ANKFN1: variants seen among roughly 807,000 people sequenced by gnomAD.
ANKFN1 encodes ankyrin repeat and fibronectin type III domain containing 1, also known as ankyrin repeat and fibronectin type-III domain-containing protein 1.
In ANKFN1, 74 loss-of-function variants were observed where a neutral mutation model predicts 108.7. The ratio of observed to expected loss-of-function variants is 0.68; its 90% CI spans 0.56 to 0.83. The LOEUF is 0.83. Among genes scored for constraint, ANKFN1 ranks in the 40% least tolerant of loss-of-function variants. The probability of loss-of-function intolerance (pLI) is 0.00; values close to 1 mark genes in which losing one functional copy is unlikely to be tolerated. For synonymous variants in ANKFN1, 547 were observed against 516.2 expected, an observed-to-expected ratio of 1.06 and a Z score of -0.81; for missense variants, 1,505 against 1,382.3, an observed-to-expected ratio of 1.09 and a Z score of -1.41.
chr17:56,508,311 T>C (rs1163695951), intron 20 of ANKFN1, among the ~76,000 whole-genome samples: 5 of 152,234 alleles, frequency 3.3e-5, no homozygotes, highest in African/African-American at 1.2e-4. Flanking sequence ...AAACTCCTTA[T>C]CTAAGCATTC....
chr17:56,170,774 T>TTA (rs60304505), intron 1 of ANKFN1, among the ~76,000 whole-genome samples: 3,348 of 67,934 alleles, frequency 0.049, 122 homozygotes, highest in Non-Finnish European at 0.058. Context: ...AAAAAATTTT[T>TTA]TATATATATA....
intron 3 of ANKFN1, among the ~76,000 whole-genome samples, chr17:56,269,991 A>G (rs1299532528): frequency 6.6e-6 from 1 of 152,254 alleles, no homozygotes; most frequent in African/African-American, 2.4e-5. Flanking sequence ...GCTCTGTTTA[A>G]GAAGAGCTAT....
intron 4 of ANKFN1, among the ~76,000 whole-genome samples, chr17:56,069,478 CTA>C: frequency 6.6e-6 from 1 of 152,186 alleles, no homozygotes; most frequent in Non-Finnish European, 1.5e-5. Context: ...GACATTCCTC[CTA>C]AGCAAACCAC....
Position 56,200,181 on chromosome 17 carries a change from C to G in ANKFN1, c.-70-12417C>G, listed in dbSNP as rs765117533. 9.2e-5 allele frequency among the ~76,000 whole-genome samples: 14 copies of G among 152,144 alleles called. No individual in the cohort carries two copies. The South Asian group carries it at 1.2e-3, about 14-fold the overall frequency. ...GAACAAACAGGTGTGAATGAGTTTACTAACTGCCAAAGAATCCAAGAAAAA... is the reference window on the plus strand; with the variant it reads ...GAACAAACAGGTGTGAATGAGTTTAGTAACTGCCAAAGAATCCAAGAAAAA... On this transcript the variant is annotated intron_variant, in intron 1 of 20. Transcript: ENST00000682825.
At chr17:56,155,307 A>G (rs1253383408) in intron 1 of ANKFN1, among the ~76,000 whole-genome samples, 2 of 152,118 alleles carry the variant, frequency 1.3e-5, no homozygotes, top group Non-Finnish European at 2.9e-5. Flanking sequence ...CAGTACTGTC[A>G]TTTGTTCTGA....
intron 18 of ANKFN1, among the ~76,000 whole-genome samples, chr17:56,484,880 A>G (rs565949944): frequency 5.3e-5 from 8 of 152,174 alleles, no homozygotes; most frequent in Non-Finnish European, 8.8e-5. Flanking sequence ...GGTGGGGACA[A>G]TCTACAACTT....
chr17:56,049,765 C>T (rs1315133012), intron 4 of ANKFN1, among the ~76,000 whole-genome samples: 1 of 147,168 alleles, frequency 6.8e-6, no homozygotes, highest in Non-Finnish European at 1.5e-5. Context: ...TGTATATGTG[C>T]CACATTTTCT....
chr17:56,080,629 T>C (rs932741577), intron 4 of ANKFN1, among the ~76,000 whole-genome samples: 1 of 152,222 alleles, frequency 6.6e-6, no homozygotes, highest in Non-Finnish European at 1.5e-5. Context: ...CTATTGTTTC[T>C]ACACCATCCC....
In ANKFN1 at chr17:56,274,275, C is replaced by G. The variant is rs183221078; in HGVS notation, c.53+46318C>G. On this transcript the variant is annotated intron_variant, in intron 3 of 20. Coordinates refer to ENST00000682825, the MANE Select transcript of ANKFN1 (RefSeq NM_001370326.1). ...GATCACGAGGTCAGGAAATCGAGAC[C>G]ATCCTGGCTAACATGGTGAAACCCC... is the stretch of plus-strand genomic sequence containing the variant. Among the ~76,000 whole-genome samples, 249 of 152,178 alleles carry G rather than the reference C, an allele frequency of 1.6e-3. 3 individuals carry two copies. The highest frequency in any genetic ancestry group is 2.2e-3 in the Non-Finnish European group (147 of 68,000).
intron 3 of ANKFN1, among the ~76,000 whole-genome samples, chr17:56,236,338 T>C (rs1917148788): frequency 6.6e-6 from 1 of 152,092 alleles, no homozygotes; most frequent in Non-Finnish European, 1.5e-5. Flanking sequence ...ATTACAGGAG[T>C]GAGCCACCGC....
At chr17:56,430,986 G>T (rs1359371828) in intron 8 of ANKFN1, among the ~76,000 whole-genome samples, 1 of 152,134 alleles carries the variant, frequency 6.6e-6, no homozygotes, top group Non-Finnish European at 1.5e-5. Context: ...GTCGGAGGTC[G>T]GAAGAAAGAG....
chr17:56,076,904 A>G (rs1180049981), intron 4 of ANKFN1, among the ~76,000 whole-genome samples: 1 of 152,234 alleles, frequency 6.6e-6, no homozygotes, highest in African/African-American at 2.4e-5. Flanking sequence ...TAAGAATTGC[A>G]TCAGTCTTAT....
chr17:56,257,377 A>G (rs2043384550), intron 3 of ANKFN1, among the ~76,000 whole-genome samples: 1 of 152,232 alleles, frequency 6.6e-6, no homozygotes, highest in Admixed American at 6.5e-5. Flanking sequence ...ATAGAGCCAC[A>G]TTAATGTGAT....
At chr17:56,408,599 G>A (rs866180991) in intron 8 of ANKFN1, among the ~76,000 whole-genome samples, 1 of 152,140 alleles carries the variant, frequency 6.6e-6, no homozygotes, top group East Asian at 1.9e-4. Flanking sequence ...AAAGAGATGA[G>A]ATGGTCAGAG....
At chr17:56,076,721 G>A (rs1044962201) in intron 4 of ANKFN1, among the ~76,000 whole-genome samples, 3 of 152,010 alleles carry the variant, frequency 2.0e-5, no homozygotes, top group Non-Finnish European at 4.4e-5. Context: ...AGTAACTTTT[G>A]TAATGCAACC....
chr17:56,469,301 G>A (rs779022122), intron 15 of ANKFN1, among the ~76,000 whole-genome samples: 1 of 150,484 alleles, frequency 6.6e-6, no homozygotes, highest in African/African-American at 2.5e-5. Flanking sequence ...GAGAGGAAAT[G>A]GGGAATAAAA....
rs577207815 is a variant in ANKFN1, at chr17:56,373,407, C to T, written c.796+567C>T. ...AGAAAAGCCTTCTTTTTGGATAATA[C>T]TCATTAGCACTGGAAAGTAATGCTG... On this transcript the variant is annotated intron_variant, in intron 7 of 20. Transcript: ENST00000682825. Among the ~76,000 whole-genome samples the T allele has an allele frequency of 1.8e-4, 28 of 152,286 alleles. 1 individual carries two copies. The highest frequency in any genetic ancestry group is 6.5e-4 in the African/African-American group (27 of 41,552).
chr17:56,505,774 T>C (rs187621294), intron 20 of ANKFN1, among the ~76,000 whole-genome samples: 3 of 152,336 alleles, frequency 2.0e-5, no homozygotes, highest in Admixed American at 2.0e-4. Flanking sequence ...TCTTAAAATA[T>C]GATACTCCAT....
At chr17:56,465,910 A>T (rs553161960) in intron 14 of ANKFN1, among the ~76,000 whole-genome samples, 2 of 152,304 alleles carry the variant, frequency 1.3e-5, no homozygotes, top group Admixed American at 1.3e-4. Flanking sequence ...TCACTTCTTC[A>T]TTTTAAACAA....
Sources: gnomAD v4.1 joint callset for allele counts (sites outside exome capture counted in the v4.1 genomes callset) on GRCh38, gnomAD v4.1.1 for gene constraint, MANE v1.5 for transcripts, NCBI Gene and HGNC (gene_info 2026-07-23, HGNC 2026-07-21) for gene names.